The following ATP1B4 variants were observed in gnomAD, a reference collection of about 807,000 sequenced individuals.
The protein encoded by ATP1B4 is ATPase Na+/K+ transporting family member beta 4.
A neutral mutation model predicts 29.6 loss-of-function variants in ATP1B4; 32 were observed. The observed-to-expected ratio is 1.08, with a 90% confidence interval of 0.82 to 1.45. The LOEUF is 1.45. ATP1B4 is among the 40% of genes most tolerant of loss of function. The pLI is 0.00. For missense variants in ATP1B4, 323 were observed against 276.2 expected (o/e 1.17, Z -1.20); for synonymous variants, 127 against 102.1 (o/e 1.24, Z -1.47).
At position 120,376,646 on chromosome X, in the gene ATP1B4, T is replaced by C. The variant is rs545857564; in HGVS notation, c.816+210T>C. Reference sequence around the variant, plus strand: ...TGTGTGTATAGTGTATGTGTGTGTATGTGTGTGTGTCAGTCAGTCTGTCAT... The same window carrying C: ...TGTGTGTATAGTGTATGTGTGTGTACGTGTGTGTGTCAGTCAGTCTGTCAT... On this transcript the variant is annotated intron_variant, in intron 6 of 7. Coordinates refer to ENST00000218008, the MANE Select transcript of ATP1B4 (RefSeq NM_001142447.3). 4.8e-4 allele frequency among the ~76,000 whole-genome samples: 54 copies of C among 112,151 alleles called. 1 individual carries two copies. The South Asian group carries it at 0.018, about 37-fold the overall frequency.
At chrX:120,373,475 T>C (rs1040081859) in intron 4 of ATP1B4, among the ~76,000 whole-genome samples, 6 of 112,413 alleles carry the variant, frequency 5.3e-5, no homozygotes, top group African/African-American at 1.9e-4. Context: ...GTTTTACCTC[T>C]GGTAGATCAC....
chrX:120,374,729 AT>A (rs1319863776), intron 4 of ATP1B4, among the ~76,000 whole-genome samples: 4 of 68,208 alleles, frequency 5.9e-5, no homozygotes, highest in African/African-American at 1.8e-4. Flanking sequence ...TAATATATAT[AT>A]TATATTATAT....
chrX:120,362,690 A>G (rs2058268236), intron 1 of ATP1B4, among the ~76,000 whole-genome samples: 1 of 111,589 alleles, frequency 9.0e-6, no homozygotes, highest in Non-Finnish European at 1.9e-5. Context: ...GAAATTCCAA[A>G]CTATAGCTAA....
chrX:120,370,748 C>A lies in ATP1B4; in HGVS notation c.362C>A (p.Ala121Asp). ...LILLIYFFFY[A>D]SLAAVITLCM... ...TTACTCATTTACTTCTTCTTCTATG[C>A]CTCCTTGGCTGCTGTGATCACCCTC... Residue 121 changes from alanine to aspartate, a missense_variant, in exon 3 of 8, where the codon GCC becomes GAC. Transcript: ENST00000218008. 1 of 1,211,380 alleles carries A rather than the reference C, an allele frequency of 8.3e-7. No individual in the cohort carries two copies. The highest frequency in any genetic ancestry group is 1.8e-5 in the South Asian group (1 of 56,962).
chrX:120,370,445 C>T (rs905478573), intron 2 of ATP1B4, among the ~76,000 whole-genome samples: 5 of 111,838 alleles, frequency 4.5e-5, no homozygotes, highest in African/African-American at 1.6e-4. Flanking sequence ...ATACTTTTAA[C>T]TCCACTCCCC....
In ATP1B4 at chrX:120,376,127, T is replaced by C. The variant is rs754639639; in HGVS notation, c.760-253T>C. 6.3e-5 allele frequency among the ~76,000 whole-genome samples: 7 copies of C among 111,295 alleles called. No homozygotes were observed. The South Asian group carries it at 1.1e-3, about 18-fold the overall frequency. On this transcript the variant is annotated intron_variant, in intron 5 of 7. Coordinates refer to ENST00000218008, the MANE Select transcript of ATP1B4 (RefSeq NM_001142447.3). ...TCTTGAAATTAGAAAGTTCTTTACA[T>C]CTTTAGCATTGACTTGCTGACGTTT... is the stretch of plus-strand genomic sequence containing the variant.
intron 6 of ATP1B4, 151 bp downstream of exon 6, chrX:120,376,587 C>G (rs2058357492): frequency 2.0e-6 from 1 of 491,139 alleles, no homozygotes; most frequent in East Asian, 3.7e-5. Flanking sequence ...TTCAGGTTTT[C>G]CTCTTTCCAG....
chrX:120,371,414 A>C (rs2058312877), intron 4 of ATP1B4, among the ~76,000 whole-genome samples: 1 of 112,076 alleles, frequency 8.9e-6, no homozygotes, highest in African/African-American at 3.2e-5. Flanking sequence ...TTGAAAACAT[A>C]CAAGCCAATT....
intron 2 of ATP1B4, among the ~76,000 whole-genome samples, chrX:120,367,769 A>C (rs1294176894): frequency 9.0e-6 from 1 of 111,408 alleles, no homozygotes; most frequent in Non-Finnish European, 1.9e-5. Context: ...CCTCAAAGTT[A>C]ATGTTGCTAA....
intron 5 of ATP1B4, 48 bp downstream of exon 5, chrX:120,375,616 A>AG (rs771318528): frequency 3.4e-5 from 37 of 1,088,173 alleles, no homozygotes; most frequent in African/African-American, 5.5e-5. Flanking sequence ...TGAACTAGAT[A>AG]GGAGGGCTCT....
rs2147259362 is a variant in ATP1B4 at position 120,381,257 on chromosome X, T to C, written c.*1623T>C. Reference sequence around the variant, plus strand: ...AGACCATGGTGTGTCTGGGTAACTGTGAGCAGTTTATGTAACTGGAATGAA... The same window carrying C: ...AGACCATGGTGTGTCTGGGTAACTGCGAGCAGTTTATGTAACTGGAATGAA... On this transcript the variant is annotated 3_prime_UTR_variant, in exon 8 of 8. Transcript: ENST00000218008. 1 of 111,454 alleles carries C rather than the reference T, an allele frequency of 9.0e-6. No individual in the cohort carries two copies. The highest frequency in any genetic ancestry group is 3.8e-4 in the South Asian group (1 of 2,627). 9.2% of individuals were successfully genotyped at this position (111,454 alleles called of 1,213,427 possible). A position where few individuals can be genotyped will look rare whatever the true frequency, so the allele number is the denominator to read the frequency against.
chrX:120,366,449 A>G, intron 1 of ATP1B4, 76 bp from the exon 2 acceptor site: 2 of 1,097,165 alleles, frequency 1.8e-6, no homozygotes, highest in South Asian at 4.5e-5. Flanking sequence ...AGTCATTTCG[A>G]TTTATTTTTG....
intron 6 of ATP1B4, among the ~76,000 whole-genome samples, chrX:120,376,782 C>G (rs2058358732): frequency 2.7e-5 from 3 of 112,346 alleles, no homozygotes; most frequent in Admixed American, 1.9e-4. Context: ...GCTTTTAGCT[C>G]TAATTACTTG....
At chrX:120,372,218 G>A (rs1236778919) in intron 4 of ATP1B4, among the ~76,000 whole-genome samples, 1 of 109,877 alleles carries the variant, frequency 9.1e-6, no homozygotes, top group East Asian at 2.8e-4. Context: ...AGCTCCAGTG[G>A]GGTTTGCATT....
At chrX:120,374,642 A>G (rs2058334484) in intron 4 of ATP1B4, among the ~76,000 whole-genome samples, 1 of 34,543 alleles carries the variant, frequency 2.9e-5, no homozygotes, top group Non-Finnish European at 5.0e-5. Flanking sequence ...ATAATATTAT[A>G]TTATATATAT....
chrX:120,379,748 C>A lies in ATP1B4; in HGVS notation c.*114C>A. The A allele has an allele frequency of 1.3e-6, 1 of 767,052 alleles. No individual in the cohort carries two copies. The highest frequency in any genetic ancestry group is 1.8e-6 in the Non-Finnish European group (1 of 547,800). The allele number at this position is 767,052 out of a possible 1,213,427, so 63.2% of individuals were successfully genotyped here. A position where few individuals can be genotyped will look rare whatever the true frequency, so the allele number is the denominator to read the frequency against. On this transcript the variant is annotated 3_prime_UTR_variant, in exon 8 of 8. Transcript: ENST00000218008. The stretch of plus-strand genomic sequence containing the variant: ...GACACAGCCAGATGGACATCTAAGA[C>A]AGCCGATCATCTTTCCTTGCCTATG...
In ATP1B4 at chrX:120,370,861, C is replaced by A. The variant is rs762985791; in HGVS notation, c.457+18C>A. ...GCCTCCTGGTGAGTGTGCCCAGATG[C>A]CCTGTGTTGTCAGAACTTGCTGGAC... On this transcript the variant is annotated intron_variant, in intron 3 of 7. Transcript: ENST00000218008. 1.7e-6 allele frequency: 2 copies of A among 1,201,912 alleles called. No individual in the cohort carries two copies. The highest frequency in any genetic ancestry group is 2.2e-6 in the Non-Finnish European group (2 of 891,882).
At chrX:120,372,963 A>C (rs1214509082) in intron 4 of ATP1B4, among the ~76,000 whole-genome samples, 1 of 112,314 alleles carries the variant, frequency 8.9e-6, no homozygotes, top group Non-Finnish European at 1.9e-5. Context: ...GATTGCAAAT[A>C]TATTGCCGGA....
At chrX:120,373,816 TTCTA>T (rs2058326166) in intron 4 of ATP1B4, among the ~76,000 whole-genome samples, 1 of 111,529 alleles carries the variant, frequency 9.0e-6, no homozygotes, top group Non-Finnish European at 1.9e-5. Flanking sequence ...TGTCATTGGT[TTCTA>T]TCTTTTAACT....
Sources: allele counts gnomAD v4.1 joint callset (sites outside exome capture counted in the v4.1 genomes callset), GRCh38; gene constraint gnomAD v4.1.1; transcripts MANE v1.5; gene names NCBI Gene and HGNC (gene_info 2026-07-23, HGNC 2026-07-21).